The following GLIS3 variants were observed in gnomAD, a reference collection of about 807,000 sequenced individuals.
The protein encoded by GLIS3 is GLIS family zinc finger 3.
Under a neutral mutation model 78.6 loss-of-function variants are expected in GLIS3, and 53 were observed. The observed-to-expected ratio is 0.67, with a 90% confidence interval of 0.54 to 0.85. The LOEUF is 0.85. GLIS3 is among the 40% of genes least tolerant of loss of function. The pLI is 0.00. For missense variants in GLIS3, 1,703 were observed against 1,231.1 expected (o/e 1.38, Z -5.74); for synonymous variants, 684 against 509.9 (o/e 1.34, Z -4.60).
chr9:4,210,895 C>A (rs760834499), intron 2 of GLIS3, among the ~76,000 whole-genome samples: 8 of 152,220 alleles, frequency 5.3e-5, no homozygotes, highest in Non-Finnish European at 8.8e-5. Flanking sequence ...ATTCCACACA[C>A]CCCTACCCTC....
At chr9:4,284,947 G>A (rs1827859442) in intron 2 of GLIS3, among the ~76,000 whole-genome samples, 1 of 130,668 alleles carries the variant, frequency 7.7e-6, no homozygotes, top group Non-Finnish European at 1.6e-5. Flanking sequence ...AAAGGCACAT[G>A]TATGTTTAGT....
chr9:4,238,970 G>A (rs944384366), intron 2 of GLIS3, among the ~76,000 whole-genome samples: 14 of 151,966 alleles, frequency 9.2e-5, no homozygotes, highest in African/African-American at 3.1e-4. Context: ...AGTTTGCTGA[G>A]AATGATGGTT....
Position 3,993,853 on chromosome 9 carries a change from T to G in GLIS3, c.1711-56664A>C, listed in dbSNP as rs182158524. ...AAAAATTGTCATTTTTTTTCTGTTA[T>G]AAATAATTTGCAGTGCTACATTTTA... is the stretch of plus-strand genomic sequence containing the variant. On this transcript the variant is annotated intron_variant, in intron 4 of 10. Coordinates refer to ENST00000381971, the MANE Select transcript of GLIS3 (RefSeq NM_001042413.2). Among the ~76,000 whole-genome samples the G allele has an allele frequency of 1.2e-4, 18 of 152,352 alleles. No individual in the cohort carries two copies. The East Asian group carries it at 3.5e-3, about 29-fold the overall frequency.
intron 4 of GLIS3, among the ~76,000 whole-genome samples, chr9:4,097,524 C>T (rs548915081): frequency 3.3e-5 from 5 of 152,134 alleles, no homozygotes; most frequent in African/African-American, 1.2e-4. Context: ...GGACCACCTC[C>T]GCCAGCTTCC....
the GLIS3 span, among the ~76,000 whole-genome samples, chr9:4,353,745 C>G: frequency 1.3e-5 from 2 of 152,150 alleles, no homozygotes; most frequent in South Asian, 4.2e-4. Context: ...TGGGGGCCTC[C>G]TTATCCGCTG....
chr9:3,947,807 G>A (rs1816401342), intron 4 of GLIS3, among the ~76,000 whole-genome samples: 1 of 152,190 alleles, frequency 6.6e-6, no homozygotes. Context: ...ACTTTCAAAT[G>A]TAAAATTTCC....
intron 1 of GLIS3, chr9:4,298,574 T>C: frequency 9.6e-6 from 3 of 313,314 alleles, no homozygotes; most frequent in South Asian, 7.4e-5. Flanking sequence ...CCGGGCCGAC[T>C]TCAAAATACA....
At chr9:4,262,226 A>T (rs1825598364) in intron 2 of GLIS3, among the ~76,000 whole-genome samples, 1 of 152,168 alleles carries the variant, frequency 6.6e-6, no homozygotes, top group Non-Finnish European at 1.5e-5. Flanking sequence ...GGGAGGTGTC[A>T]CTAGCCATTT....
At chr9:3,958,180 C>A (rs943127319) in intron 4 of GLIS3, among the ~76,000 whole-genome samples, 2 of 152,154 alleles carry the variant, frequency 1.3e-5, no homozygotes, top group Non-Finnish European at 2.9e-5. Flanking sequence ...CCTTAGTGAA[C>A]AACTGCACAA....
At chr9:4,273,416 G>C (rs1290754681) in intron 2 of GLIS3, among the ~76,000 whole-genome samples, 2 of 151,938 alleles carry the variant, frequency 1.3e-5, no homozygotes, top group Admixed American at 6.6e-5. Context: ...AAAACACAGG[G>C]AGACCCCATC....
Position 3,838,906 on chromosome 9 carries a change from A to C in GLIS3, c.2474-9414T>G, listed in dbSNP as rs370889557. 7.2e-5 allele frequency among the ~76,000 whole-genome samples: 11 copies of C among 152,248 alleles called. No individual in the cohort carries two copies. In the East Asian group the frequency reaches 1.5e-3, roughly 21 times the overall value. ...TAATCCACGACAGACCCAATGAGAA[A>C]AAAAGAACACACAGATAACGTTGCT... On this transcript the variant is annotated intron_variant, in intron 9 of 10. Coordinates refer to ENST00000381971, the MANE Select transcript of GLIS3 (RefSeq NM_001042413.2).
intron 4 of GLIS3, among the ~76,000 whole-genome samples, chr9:4,043,727 C>T (rs763080962): frequency 3.8e-4 from 58 of 152,194 alleles, no homozygotes; most frequent in Non-Finnish European, 6.5e-4. Flanking sequence ...TCTGTTTTCA[C>T]ACCATCTTTG....
At chr9:4,140,167 T>A (rs941312317) in intron 2 of GLIS3, among the ~76,000 whole-genome samples, 2 of 151,966 alleles carry the variant, frequency 1.3e-5, no homozygotes, top group Non-Finnish European at 2.9e-5. Context: ...CCACAAAAAA[T>A]ACAAAAATTA....
intron 4 of GLIS3, among the ~76,000 whole-genome samples, chr9:3,961,020 A>G (rs1251892781): frequency 2.0e-5 from 3 of 152,162 alleles, no homozygotes; most frequent in African/African-American, 4.8e-5. Flanking sequence ...CATTTGGCTG[A>G]GCTCACCAAT....
At chr9:4,239,653 A>G (rs1274478790) in intron 2 of GLIS3, among the ~76,000 whole-genome samples, 1 of 152,254 alleles carries the variant, frequency 6.6e-6, no homozygotes. Flanking sequence ...CTGGATCTGA[A>G]TAAGTGATCT....
At position 4,135,106 on chromosome 9, in the gene GLIS3, C is replaced by T. The variant is rs59337070; in HGVS notation, c.389-9165G>A. 6.9e-3 allele frequency among the ~76,000 whole-genome samples: 1,049 copies of T among 152,192 alleles called. 11 individuals are homozygous for T. The highest frequency in any genetic ancestry group is 0.023 in the East Asian group (120 of 5,186). Reference sequence around the variant, plus strand: ...AGACCCCAAATTATGTTAGGAATTACGGCATATACATTTCATCCCTAAGGT... The same window carrying T: ...AGACCCCAAATTATGTTAGGAATTATGGCATATACATTTCATCCCTAAGGT... On this transcript the variant is annotated intron_variant, in intron 2 of 10. Coordinates refer to ENST00000381971, the MANE Select transcript of GLIS3 (RefSeq NM_001042413.2).
At chr9:4,242,084 A>G (rs1823374625) in intron 2 of GLIS3, among the ~76,000 whole-genome samples, 1 of 152,294 alleles carries the variant, frequency 6.6e-6, no homozygotes, top group African/African-American at 2.4e-5. Flanking sequence ...TGGGTCTCTC[A>G]GCAATGAAAA....
At chr9:3,899,206 A>T (rs188816197) in intron 6 of GLIS3, among the ~76,000 whole-genome samples, 1 of 152,226 alleles carries the variant, frequency 6.6e-6, no homozygotes, top group Non-Finnish European at 1.5e-5. Context: ...TGCTTTTAAA[A>T]TAGAAACACT....
chr9:4,369,438 G>A, the GLIS3 span, among the ~76,000 whole-genome samples: 1 of 152,174 alleles, frequency 6.6e-6, no homozygotes, highest in African/African-American at 2.4e-5. Context: ...TGCATGCACT[G>A]CTCCAAGGGT....
Sources: gnomAD v4.1 joint callset for allele counts (sites outside exome capture counted in the v4.1 genomes callset) on GRCh38, gnomAD v4.1.1 for gene constraint, MANE v1.5 for transcripts, NCBI Gene and HGNC (gene_info 2026-07-23, HGNC 2026-07-21) for gene names.